CCDC7: variants seen among roughly 807,000 people sequenced by gnomAD.
CCDC7 encodes coiled-coil domain-containing protein 7.
In CCDC7, 183 loss-of-function variants were observed where a neutral mutation model predicts 196.9. The observed-to-expected ratio is 0.93, with a 90% confidence interval of 0.82 to 1.05. CCDC7 has a LOEUF of 1.05. CCDC7 is among the 50% of genes least tolerant of loss of function. The pLI, the probability that CCDC7 is intolerant of heterozygous loss-of-function variation, is 0.00. For synonymous variants in CCDC7, 525 were observed against 484.6 expected (o/e 1.08, Z -1.10); for missense variants, 1,540 against 1,482.2 (o/e 1.04, Z -0.64).
At chr10:32,844,531 A>G (rs1019396202) in intron 33 of CCDC7, among the ~76,000 whole-genome samples, 1 of 151,874 alleles carries the variant, frequency 6.6e-6, no homozygotes, top group Non-Finnish European at 1.5e-5. Flanking sequence ...CTATTTTTAA[A>G]AATGTTATGT....
At chr10:32,613,408 C>T (rs947807185) in intron 18 of CCDC7, among the ~76,000 whole-genome samples, 7 of 152,092 alleles carry the variant, frequency 4.6e-5, no homozygotes, top group African/African-American at 1.7e-4. Context: ...GTGTCTCTAT[C>T]TCCTTCAGTT....
intron 18 of CCDC7, among the ~76,000 whole-genome samples, chr10:32,589,317 C>G (rs961411138): frequency 6.6e-6 from 1 of 152,132 alleles, no homozygotes. Context: ...TGTTGTTGCA[C>G]ATAAACAGGA....
At chr10:32,714,810 G>C (rs1001443017) in intron 25 of CCDC7, among the ~76,000 whole-genome samples, 2 of 152,090 alleles carry the variant, frequency 1.3e-5, no homozygotes, top group African/African-American at 2.4e-5. Flanking sequence ...AACCCACCAC[G>C]GCGCAGCAAA....
At chr10:32,836,663 T>TGA (rs2092627718) in intron 33 of CCDC7, among the ~76,000 whole-genome samples, 1 of 152,194 alleles carries the variant, frequency 6.6e-6, no homozygotes, top group Non-Finnish European at 1.5e-5. Flanking sequence ...ATGTGTCTTT[T>TGA]GGCTGCATAA....
At chr10:32,474,165 G>T in intron 8 of CCDC7, 142 bp downstream of exon 9, 10 of 368,048 alleles carry the variant, frequency 2.7e-5, no homozygotes, top group Non-Finnish European at 2.9e-5. Context: ...TGTCAAGCAA[G>T]TATTGAAATT....
At chr10:32,628,603 A>C (rs1006995085) in intron 18 of CCDC7, among the ~76,000 whole-genome samples, 19 of 151,416 alleles carry the variant, frequency 1.3e-4, no homozygotes, top group African/African-American at 3.4e-4. Context: ...AATTTTTGAG[A>C]TCTTTCATCT....
intron 18 of CCDC7, among the ~76,000 whole-genome samples, chr10:32,594,147 C>A (rs1293518649): frequency 3.9e-5 from 6 of 152,138 alleles, no homozygotes; most frequent in African/African-American, 1.2e-4. Flanking sequence ...GGCAGTATGG[C>A]CATTTTCACG....
At position 32,689,173 on chromosome 10, in the gene CCDC7, A is replaced by T. The variant is rs770369893; in HGVS notation, c.2344+10A>T. 6.8e-7 allele frequency: 1 copy of T among 1,460,056 alleles called. No homozygotes were observed. Among genetic ancestry groups the T allele is most frequent in the Non-Finnish European group, 9.4e-7 (1 of 1,058,224 alleles). The allele number at this position is 1,460,056 out of a possible 1,614,324, so 90.4% of individuals were successfully genotyped here. ...GGGCAAAGAATTATTAGTAAGTATA[A>T]AAAGTAAAGATAACTTTAAATTATT... On this transcript the variant is annotated intron_variant, in intron 23 of 41. Transcript: ENST00000639629.
intron 13 of CCDC7, among the ~76,000 whole-genome samples, chr10:32,545,924 A>G (rs2052377013): frequency 6.6e-6 from 1 of 151,812 alleles, no homozygotes; most frequent in East Asian, 1.9e-4. Context: ...AAAAAAAAAA[A>G]AAAAGATGTA....
chr10:32,753,402 C>A (rs541111545), intron 28 of CCDC7, among the ~76,000 whole-genome samples: 16 of 152,076 alleles, frequency 1.1e-4, no homozygotes, highest in Admixed American at 3.9e-4. Flanking sequence ...ATTTATTGAG[C>A]CTTTATTATC....
At chr10:32,762,271 A>C (rs1370423648) in intron 28 of CCDC7, among the ~76,000 whole-genome samples, 3 of 151,848 alleles carry the variant, frequency 2.0e-5, no homozygotes. Flanking sequence ...GAGAACAAAC[A>C]GATGGTTTTG....
At chr10:32,705,540 C>G (rs1282137667) in intron 24 of CCDC7, among the ~76,000 whole-genome samples, 1 of 152,062 alleles carries the variant, frequency 6.6e-6, no homozygotes. Context: ...GATAAAGAGT[C>G]AAGACCCATC....
chr10:32,754,359 G>A (rs147172417), intron 28 of CCDC7, among the ~76,000 whole-genome samples: 3 of 152,210 alleles, frequency 2.0e-5, no homozygotes, highest in African/African-American at 7.2e-5. Context: ...CTCATATGAT[G>A]GAAACAATGA....
At chr10:32,615,695 A>G (rs1031388756) in intron 18 of CCDC7, among the ~76,000 whole-genome samples, 8 of 151,678 alleles carry the variant, frequency 5.3e-5, no homozygotes, top group African/African-American at 1.7e-4. Context: ...CCATATGTCT[A>G]TTTTCATTTT....
At position 32,824,584 on chromosome 10, in the gene CCDC7, TA is replaced by T; in HGVS notation, c.3251del (p.Lys1084ArgfsTer10). The T allele has an allele frequency of 6.2e-7, 1 of 1,610,894 alleles. No homozygotes were observed. The highest frequency in any genetic ancestry group is 1.1e-5 in the South Asian group (1 of 90,830). On this transcript the variant is annotated frameshift_variant, in exon 32 of 42. Coordinates refer to ENST00000639629, the Ensembl canonical transcript of CCDC7. LOFTEE classifies it high-confidence loss of function. ...ATAAATGATGCAATTAAGACGCAGT[TA>T]AAGAGAAAGAGTTACCCTGGTAAGA...
At chr10:32,551,329 AT>A (rs771388655) in intron 13 of CCDC7, among the ~76,000 whole-genome samples, 5 of 151,720 alleles carry the variant, frequency 3.3e-5, no homozygotes, top group Non-Finnish European at 5.9e-5. Flanking sequence ...GATCAGTTTT[AT>A]TTATCTTTCA....
At chr10:32,863,993 A>G (rs2094111775) in intron 41 of CCDC7, among the ~76,000 whole-genome samples, 1 of 151,722 alleles carries the variant, frequency 6.6e-6, no homozygotes, top group South Asian at 2.1e-4. Context: ...CTGGTAAAAA[A>G]AAAAAAAAAA....
intron 41 of CCDC7, among the ~76,000 whole-genome samples, chr10:32,865,391 T>TG (rs2094164180): frequency 8.3e-6 from 1 of 119,988 alleles, no homozygotes; most frequent in South Asian, 3.0e-4. Context: ...CACAGTGAGG[T>TG]ACTCCTATTA....
At chr10:32,716,286 T>C (rs1053423651) in intron 25 of CCDC7, among the ~76,000 whole-genome samples, 1 of 152,236 alleles carries the variant, frequency 6.6e-6, no homozygotes, top group Non-Finnish European at 1.5e-5. Context: ...GAATTTCATA[T>C]CCAGCCAAAC....
Sources: gnomAD v4.1 joint callset for allele counts (sites outside exome capture counted in the v4.1 genomes callset) on GRCh38, gnomAD v4.1.1 for gene constraint, MANE v1.5 for transcripts, NCBI Gene and HGNC (gene_info 2026-07-23, HGNC 2026-07-21) for gene names.